Variants in FBXL2 observed in about 807,000 individuals in gnomAD.
The protein encoded by FBXL2 is F-box/LRR-repeat protein 2.
Under a neutral mutation model 69.2 loss-of-function variants are expected in FBXL2, and 38 were observed. The ratio of observed to expected loss-of-function variants is 0.55; its 90% CI spans 0.42 to 0.72. FBXL2 has a LOEUF of 0.72. Among genes scored for constraint, FBXL2 ranks in the 30% least tolerant of loss-of-function variants. The pLI, the probability that FBXL2 is intolerant of heterozygous loss-of-function variation, is 0.00. For missense variants in FBXL2, 354 were observed against 520.3 expected (o/e 0.68, Z 3.11); for synonymous variants, 192 against 201.3 (o/e 0.95, Z 0.39).
At chr3:33,319,357 AAAAT>A (rs1373874485) in intron 2 of FBXL2, among the ~76,000 whole-genome samples, 1 of 152,228 alleles carries the variant, frequency 6.6e-6, no homozygotes, top group Non-Finnish European at 1.5e-5. Context: ...AATAAATTAA[AAAAT>A]AAAGTAATTC....
At chr3:33,361,613 C>T (rs981327940) in intron 4 of FBXL2, among the ~76,000 whole-genome samples, 1 of 152,188 alleles carries the variant, frequency 6.6e-6, no homozygotes, top group Non-Finnish European at 1.5e-5. Context: ...TGCTGACTTT[C>T]AGCTAACTGC....
chr3:33,355,953 C>G (rs1167455106), intron 2 of FBXL2, among the ~76,000 whole-genome samples: 1 of 152,092 alleles, frequency 6.6e-6, no homozygotes, highest in Non-Finnish European at 1.5e-5. Flanking sequence ...CCTATTTGTG[C>G]AAATTCAACT....
rs566194534 is a variant in FBXL2 at position 33,359,895 on chromosome 3, A to T, written c.195+538A>T. Reference sequence around the variant, plus strand: ...GAATATATAAGATTCTGATATATTTATCTGTAAATATGTAAATATCTCCAT... The same window carrying T: ...GAATATATAAGATTCTGATATATTTTTCTGTAAATATGTAAATATCTCCAT... On this transcript the variant is annotated intron_variant, in intron 4 of 14. Transcript: ENST00000484457. Among the ~76,000 whole-genome samples the T allele has an allele frequency of 6.0e-4, 92 of 152,308 alleles. 1 individual carries two copies. In the South Asian group the frequency reaches 0.016, roughly 26 times the overall value.
At chr3:33,315,581 CT>C (rs1319504500) in intron 2 of FBXL2, among the ~76,000 whole-genome samples, 2 of 151,966 alleles carry the variant, frequency 1.3e-5, no homozygotes, top group African/African-American at 2.4e-5. Flanking sequence ...AAGGCATTGT[CT>C]TTTTTGTTTA....
At chr3:33,358,435 C>G (rs929375912) in intron 2 of FBXL2, among the ~76,000 whole-genome samples, 1 of 152,186 alleles carries the variant, frequency 6.6e-6, no homozygotes, top group African/African-American at 2.4e-5. Context: ...TTCCCCCCAC[C>G]TCTTCCCGCC....
the FBXL2 span, among the ~76,000 whole-genome samples, chr3:33,415,763 A>T: frequency 6.6e-6 from 1 of 151,994 alleles, no homozygotes; most frequent in Non-Finnish European, 1.5e-5. Context: ...CAAAAAAAAA[A>T]ACACAGAACA....
intron 2 of FBXL2, among the ~76,000 whole-genome samples, chr3:33,323,591 A>G (rs2125803479): frequency 6.6e-6 from 1 of 152,284 alleles, no homozygotes; most frequent in African/African-American, 2.4e-5. Flanking sequence ...TAGTTTGCTA[A>G]GAATAATGGT....
intron 1 of FBXL2, among the ~76,000 whole-genome samples, chr3:33,284,938 C>G (rs1373169303): frequency 1.3e-5 from 2 of 152,122 alleles, no homozygotes; most frequent in African/African-American, 4.8e-5. Context: ...CTATGTGTGT[C>G]TCTGCATGTG....
At chr3:33,360,688 T>C (rs2041546462) in intron 4 of FBXL2, among the ~76,000 whole-genome samples, 1 of 152,134 alleles carries the variant, frequency 6.6e-6, no homozygotes, top group African/African-American at 2.4e-5. Flanking sequence ...GTGAATATAA[T>C]TGCCCTTCAA....
chr3:33,370,152 C>CGTGA (rs1156326294), intron 5 of FBXL2, among the ~76,000 whole-genome samples: 3 of 151,954 alleles, frequency 2.0e-5, no homozygotes, highest in African/African-American at 7.3e-5. Context: ...CAGTGGCTCA[C>CGTGA]GCCTGTAATC....
At chr3:33,351,544 G>C (rs2040829409) in intron 2 of FBXL2, among the ~76,000 whole-genome samples, 1 of 152,102 alleles carries the variant, frequency 6.6e-6, no homozygotes, top group South Asian at 2.1e-4. Flanking sequence ...TAAGTGAAGA[G>C]ATATTACATA....
At chr3:33,370,541 C>T (rs575553662) in intron 5 of FBXL2, among the ~76,000 whole-genome samples, 90 of 152,180 alleles carry the variant, frequency 5.9e-4, no homozygotes, top group African/African-American at 2.0e-3. Flanking sequence ...CTGCTGTCAC[C>T]CTTATGTTTT....
At chr3:33,392,080 C>G (rs1008287159), downstream of FBXL2, 1 of 152,982 alleles carries the variant, frequency 6.5e-6, no homozygotes, top group African/African-American at 2.4e-5. Context: ...CTTCAAGTCT[C>G]AGGATTAATA....
intron 2 of FBXL2, among the ~76,000 whole-genome samples, chr3:33,314,284 T>A (rs1045072165): frequency 1.3e-5 from 2 of 152,208 alleles, no homozygotes; most frequent in Non-Finnish European, 2.9e-5. Flanking sequence ...ACTAATCTTA[T>A]AACTGAAAGT....
At chr3:33,389,435 G>A (rs2154053800), downstream of FBXL2, 1 of 150,344 alleles carries the variant, frequency 6.7e-6, no homozygotes, top group East Asian at 2.0e-4. Context: ...TCCAATGTCT[G>A]GGGTAGGGCT....
intron 14 of FBXL2, among the ~76,000 whole-genome samples, chr3:33,385,213 T>C (rs1475969884): frequency 6.6e-6 from 1 of 152,070 alleles, no homozygotes. Context: ...AACAGCCCCA[T>C]CCAGGGTGCT....
At chr3:33,389,818 C>T (rs1375972260), downstream of FBXL2, 2 of 154,276 alleles carry the variant, frequency 1.3e-5, no homozygotes, top group Admixed American at 1.3e-4. Context: ...TGCCGAGCCT[C>T]TTACCTGACC....
intron 2 of FBXL2, among the ~76,000 whole-genome samples, chr3:33,314,694 C>T (rs2037517628): frequency 6.6e-6 from 1 of 151,988 alleles, no homozygotes; most frequent in Non-Finnish European, 1.5e-5. Context: ...GCAAATATTC[C>T]CCTTGTTAAT....
intron 7 of FBXL2, 94 bp downstream of exon 7, chr3:33,373,449 T>C (rs2042427042): frequency 8.6e-6 from 13 of 1,513,946 alleles, no homozygotes; most frequent in Non-Finnish European, 1.2e-5. Context: ...CAGCAAGAAA[T>C]AGGTGACTCC....
Sources: gnomAD v4.1 joint callset for allele counts (sites outside exome capture counted in the v4.1 genomes callset) on GRCh38, gnomAD v4.1.1 for gene constraint, MANE v1.5 for transcripts, NCBI Gene and HGNC (gene_info 2026-07-23, HGNC 2026-07-21) for gene names.